Variants in PPIH observed in about 807,000 individuals in gnomAD.
PPIH encodes peptidyl-prolyl cis-trans isomerase H.
Under a neutral mutation model 27.6 loss-of-function variants are expected in PPIH, and 16 were observed. The ratio of observed to expected loss-of-function variants is 0.58; its 90% CI spans 0.39 to 0.88. The LOEUF is 0.88. Among genes scored for constraint, PPIH ranks in the 40% least tolerant of loss-of-function variants. The pLI, the probability that PPIH is intolerant of heterozygous loss-of-function variation, is 0.00. For missense variants in PPIH, 155 were observed against 224.1 expected (o/e 0.69, Z 1.97); for synonymous variants, 63 against 76.1 (o/e 0.83, Z 0.90).
At chr1:42,667,296 A>G (rs1323242559) in intron 8 of PPIH, 55 bp from the exon 9 acceptor site, 1 of 1,493,542 alleles carries the variant, frequency 6.7e-7, no homozygotes, top group Non-Finnish European at 9.3e-7. Context: ...AAAGTTTGAT[A>G]AGGGAACGAG....
In PPIH at chr1:42,666,054, G is replaced by A. The variant is rs1026889213; in HGVS notation, c.411G>A (p.Lys137=). The A allele has an allele frequency of 6.2e-7, 1 of 1,614,154 alleles. No homozygotes were observed. Among genetic ancestry groups the A allele is most frequent in the African/African-American group, 1.3e-5 (1 of 75,062 alleles). The change falls in exon 7 of 10, where the codon AAG becomes AAA. Residue 137 remains lysine (K), a synonymous_variant. Coordinates refer to ENST00000304979, the MANE Select transcript of PPIH (RefSeq NM_006347.4). ...CTAAGTGCGATTGGCTGGATGGGAAGCATGTGGTGTTTGGTAAGTCCTACT... is the reference window on the plus strand; with the variant it reads ...CTAAGTGCGATTGGCTGGATGGGAAACATGTGGTGTTTGGTAAGTCCTACT... ...TCSKCDWLDG[K]HVVFGKIIDG...
intron 9 of PPIH, among the ~76,000 whole-genome samples, chr1:42,671,536 C>T (rs1362343261): frequency 6.6e-6 from 1 of 152,202 alleles, no homozygotes; most frequent in Non-Finnish European, 1.5e-5. Context: ...TCAATCTACT[C>T]GCCCTGGCTT....
chr1:42,669,259 A>G (rs1649505336), intron 9 of PPIH, among the ~76,000 whole-genome samples: 1 of 152,118 alleles, frequency 6.6e-6, no homozygotes, highest in African/African-American at 2.4e-5. Flanking sequence ...CCCTAATCCG[A>G]AATCCCAAAT....
At chr1:42,666,181 T>C (rs779748818) in intron 7 of PPIH, 114 bp downstream of exon 7, 4 of 994,336 alleles carry the variant, frequency 4.0e-6, no homozygotes, top group Non-Finnish European at 4.7e-6. Flanking sequence ...ACTGCTTAGG[T>C]GGTAATAGAG....
chr1:42,674,955 C>T lies in PPIH; in HGVS notation c.*22-1629C>T, dbSNP rs148510431. Among the ~76,000 whole-genome samples the T allele has an allele frequency of 5.9e-5, 9 of 152,270 alleles. No individual in the cohort carries two copies. In the East Asian group the frequency reaches 1.4e-3, roughly 23 times the overall value. On this transcript the variant is annotated intron_variant, in intron 9 of 9. Coordinates refer to ENST00000304979, the MANE Select transcript of PPIH (RefSeq NM_006347.4). Reference sequence around the variant, plus strand: ...TTGCATTGCAGCCAAGTCTTACACACGTAGAGGTTCCATTCTCTTCAGTGG... The same window carrying T: ...TTGCATTGCAGCCAAGTCTTACACATGTAGAGGTTCCATTCTCTTCAGTGG...
chr1:42,663,735 T>G (rs561113932), intron 5 of PPIH, among the ~76,000 whole-genome samples: 144 of 152,324 alleles, frequency 9.5e-4, no homozygotes, highest in African/African-American at 3.2e-3. Context: ...TTTTATTTTA[T>G]AATATTTAGG....
chr1:42,659,356 T>G (rs142329121), intron 3 of PPIH, 105 bp downstream of exon 3: 19 of 1,614,092 alleles, frequency 1.2e-5, no homozygotes, highest in Non-Finnish European at 1.6e-5. Context: ...TGATTGCTGG[T>G]GACAGTGATA....
intron 1 of PPIH, 159 bp from the exon 2 acceptor site, chr1:42,658,685 C>T: frequency 1.8e-6 from 2 of 1,119,048 alleles, no homozygotes; most frequent in Non-Finnish European, 2.6e-6. Context: ...CTCCCCAATC[C>T]TAGCGCCCCG....
chr1:42,668,286 T>G (rs1649449831), intron 9 of PPIH, among the ~76,000 whole-genome samples: 1 of 152,186 alleles, frequency 6.6e-6, no homozygotes, highest in South Asian at 2.1e-4. Context: ...TTTATTGCTT[T>G]GCCTTGACAT....
chr1:42,658,663 A>T, intron 1 of PPIH, 151 bp downstream of exon 1: 1 of 1,109,466 alleles, frequency 9.0e-7, no homozygotes, highest in Non-Finnish European at 1.3e-6. Flanking sequence ...GGGGGAAAGG[A>T]GGAGGAGGAG....
downstream of PPIH, among the ~76,000 whole-genome samples, chr1:42,680,469 A>T (rs920887928): frequency 2.0e-5 from 3 of 152,234 alleles, no homozygotes; most frequent in Admixed American, 1.3e-4. Context: ...GAAGACTCTA[A>T]GACTTCTCTT....
At chr1:42,678,913 G>A (rs895693441), downstream of PPIH, 5 of 152,254 alleles carry the variant, frequency 3.3e-5, no homozygotes, top group Admixed American at 6.5e-5. Context: ...ACAAGGTGGC[G>A]AGGGCTTTCT....
In PPIH at chr1:42,669,890, T is replaced by G. The variant is rs371880532; in HGVS notation, c.*21+2450T>G. Among the ~76,000 whole-genome samples, 9 of 152,354 alleles carry G rather than the reference T, an allele frequency of 5.9e-5. 1 individual carries two copies. The highest frequency in any genetic ancestry group is 2.1e-4 in the South Asian group (1 of 4,828). The stretch of plus-strand genomic sequence containing the variant: ...ATTTGTACATTTATAAAATCATCTA[T>G]AATTAATTTTTCTGTATAGTGTTAA... On this transcript the variant is annotated intron_variant, in intron 9 of 9. Coordinates refer to ENST00000304979, the MANE Select transcript of PPIH (RefSeq NM_006347.4).
rs778839362 is a variant in PPIH at position 42,660,893 on chromosome 1, G to T, written c.232G>T (p.Asp78Tyr). The T allele has an allele frequency of 3.1e-6, 5 of 1,610,928 alleles. No individual in the cohort carries two copies. Among genetic ancestry groups the T allele is most frequent in the East Asian group, 2.2e-5 (1 of 44,764 alleles). The change falls in exon 5 of 10, where the codon GAT (aspartate) becomes TAT (tyrosine). Residue 78 changes from aspartate to tyrosine, a missense_variant. By Grantham distance (160) the Asp-to-Tyr change is radical. This residue lies in a region of PPIH where 96 missense variants were observed against 175.3 expected (regional missense o/e 0.55). Transcript: ENST00000304979. ...AAAGGATTTCATGATTCAGGGTGGA[G>T]ATTTTGTTAATGTAAGTACTATTCC... is the stretch of plus-strand genomic sequence containing the variant. ...VIKDFMIQGGDFVNGDGTGVA... is the reference protein window; with the variant it reads ...VIKDFMIQGGYFVNGDGTGVA...
intron 9 of PPIH, among the ~76,000 whole-genome samples, chr1:42,676,075 AT>A (rs1256640668): frequency 1.3e-5 from 2 of 152,168 alleles, no homozygotes; most frequent in African/African-American, 4.8e-5. Flanking sequence ...TTCTTTTGTA[AT>A]TTACTGCCCA....
chr1:42,661,030 GTGT>G, intron 5 of PPIH, 126 bp downstream of exon 5: 2 of 825,224 alleles, frequency 2.4e-6, no homozygotes, highest in Non-Finnish European at 3.9e-6. Context: ...TTTGATGTGG[GTGT>G]TGGAGAGAAT....
chr1:42,667,530 G>A, intron 9 of PPIH, 90 bp downstream of exon 9: 2 of 1,095,076 alleles, frequency 1.8e-6, no homozygotes, highest in Non-Finnish European at 2.7e-6. Flanking sequence ...TTGAAGACAT[G>A]AGATTGAGCC....
At chr1:42,663,991 A>T (rs1194882052) in intron 5 of PPIH, among the ~76,000 whole-genome samples, 1 of 152,176 alleles carries the variant, frequency 6.6e-6, no homozygotes, top group Non-Finnish European at 1.5e-5. Flanking sequence ...TTGTTTTATT[A>T]CCCAGACTTC....
At chr1:42,674,889 T>C (rs1649807299) in intron 9 of PPIH, among the ~76,000 whole-genome samples, 1 of 152,232 alleles carries the variant, frequency 6.6e-6, no homozygotes, top group South Asian at 2.1e-4. Flanking sequence ...AGAGAATGTC[T>C]GGCTCCAGTC....
Sources: allele counts gnomAD v4.1 joint callset (sites outside exome capture counted in the v4.1 genomes callset), GRCh38; gene constraint gnomAD v4.1.1; regional missense constraint gnomAD v4.1.1; transcripts MANE v1.5; gene names NCBI Gene and HGNC (gene_info 2026-07-23, HGNC 2026-07-21).